The following MSH4 variants were observed in gnomAD, a reference collection of about 807,000 sequenced individuals.
MSH4 encodes mutS homolog 4, also known as mutS protein homolog 4.
MSH4 carries 106 observed loss-of-function variants against 113.7 expected under a neutral mutation model. The observed-to-expected ratio is 0.93, with a 90% CI of 0.80 to 1.10. MSH4 has a LOEUF of 1.10. Among genes scored for constraint, MSH4 ranks in the 50% least tolerant of loss-of-function variants. MSH4 has a pLI of 0.00. For synonymous variants in MSH4, 368 were observed against 380.2 expected (o/e 0.97, Z 0.37); for missense variants, 1,061 against 1,093.7 (o/e 0.97, Z 0.42).
intron 9 of MSH4, among the ~76,000 whole-genome samples, chr1:75,868,139 T>G (rs1306907709): frequency 6.6e-6 from 1 of 152,162 alleles, no homozygotes; most frequent in African/African-American, 2.4e-5. Flanking sequence ...ATGTGATTGC[T>G]TTCTCCTGAT....
chr1:75,907,684 C>CTCTCTCTCTACATATATATATATATA (rs1307238647), intron 19 of MSH4, among the ~76,000 whole-genome samples: 2 of 46,576 alleles, frequency 4.3e-5, no homozygotes, highest in Non-Finnish European at 7.4e-5. Context: ...CTCTCTCTCT[C>CTCTCTCTCTACATATATATATATATA]TATACATATA....
intron 6 of MSH4, among the ~76,000 whole-genome samples, chr1:75,817,843 C>G (rs1650325027): frequency 1.3e-5 from 2 of 151,836 alleles, no homozygotes; most frequent in African/African-American, 2.4e-5. Context: ...CTCCCCCTAG[C>G]CAGTTGATAT....
chr1:75,822,152 G>C (rs1650430069), intron 6 of MSH4, among the ~76,000 whole-genome samples: 2 of 152,042 alleles, frequency 1.3e-5, no homozygotes, highest in African/African-American at 2.4e-5. Flanking sequence ...AGCTGGGCGT[G>C]GTGGCGGGCG....
At chr1:75,905,762 T>C (rs906564214) in intron 19 of MSH4, among the ~76,000 whole-genome samples, 1 of 152,190 alleles carries the variant, frequency 6.6e-6, no homozygotes, top group African/African-American at 2.4e-5. Context: ...ATAATTGTTA[T>C]GTCCTCTTGC....
Position 75,891,568 on chromosome 1 carries a change from C to T in MSH4, c.2355+744C>T, listed in dbSNP as rs141253706. ...TTTCAGGCTCCAGCAATCCTCCTGC[C>T]GCAGCCTCCTGAGTAGCTGGGACTG... On this transcript the variant is annotated intron_variant, in intron 17 of 19. Transcript: ENST00000263187. Among the ~76,000 whole-genome samples the T allele has an allele frequency of 2.5e-3, 383 of 152,144 alleles. 1 individual carries two copies. Among genetic ancestry groups the T allele is most frequent in the African/African-American group, 8.6e-3 (355 of 41,500 alleles).
At chr1:75,897,076 A>G (rs752834868) in intron 17 of MSH4, among the ~76,000 whole-genome samples, 5 of 152,100 alleles carry the variant, frequency 3.3e-5, no homozygotes, top group Non-Finnish European at 7.4e-5. Context: ...CTGAACACCT[A>G]CCTAATTTGT....
Position 75,803,792 on chromosome 1 carries a change from T to C in MSH4, c.306T>C (p.Phe102=). 1 of 1,606,200 alleles carries C rather than the reference T, an allele frequency of 6.2e-7. No homozygotes were observed. The highest frequency in any genetic ancestry group is 8.5e-7 in the Non-Finnish European group (1 of 1,177,464). ...AENTVASNFT[F]GASSSSARDT... is the part of the protein sequence containing the mutation. ...ACACAGTTGCATCAAATTTTACTTT[T>C]GGTGCAAGCTCATCTTCTGCACGAG... The change falls in exon 2 of 20, where the codon TTT becomes TTC. Residue 102 remains phenylalanine (F), a synonymous_variant. Transcript: ENST00000263187.
intron 7 of MSH4, among the ~76,000 whole-genome samples, chr1:75,842,666 G>C (rs1038844197): frequency 2.0e-5 from 3 of 152,210 alleles, no homozygotes; most frequent in Non-Finnish European, 4.4e-5. Context: ...CGAGCCTTCT[G>C]TTATGCCCGG....
intron 8 of MSH4, among the ~76,000 whole-genome samples, chr1:75,856,101 T>G (rs1399964198): frequency 6.6e-6 from 1 of 152,186 alleles, no homozygotes; most frequent in Non-Finnish European, 1.5e-5. Context: ...GAAATATCTG[T>G]GAATAGCTTG....
chr1:75,857,695 G>A (rs575597815), intron 8 of MSH4, among the ~76,000 whole-genome samples: 27 of 152,240 alleles, frequency 1.8e-4, no homozygotes, highest in African/African-American at 5.8e-4. Context: ...CTGTAGCCTT[G>A]TAGTACAGCT....
At chr1:75,836,370 C>T (rs901983749) in intron 7 of MSH4, among the ~76,000 whole-genome samples, 8 of 147,586 alleles carry the variant, frequency 5.4e-5, no homozygotes, top group Admixed American at 2.1e-4. Context: ...GCGATTTCAG[C>T]TCACTGCAAC....
chr1:75,827,339 A>G (rs1319644234), intron 7 of MSH4, among the ~76,000 whole-genome samples: 1 of 152,176 alleles, frequency 6.6e-6, no homozygotes, highest in Non-Finnish European at 1.5e-5. Context: ...TGAAGGAAGC[A>G]TTAAATATGG....
chr1:75,823,225 C>T (rs1020595010), intron 7 of MSH4, among the ~76,000 whole-genome samples: 2 of 152,138 alleles, frequency 1.3e-5, no homozygotes, highest in Non-Finnish European at 2.9e-5. Flanking sequence ...AGACACTAGT[C>T]GTATTGTATT....
intron 19 of MSH4, among the ~76,000 whole-genome samples, chr1:75,909,885 TTCTTCCATCTC>T (rs1446249215): frequency 6.6e-6 from 1 of 152,122 alleles, no homozygotes; most frequent in Non-Finnish European, 1.5e-5. Flanking sequence ...ATTTCTGTTT[TTCTTCCATCTC>T]TCTTCCATCT....
chr1:75,841,157 TTCCCTCCCTCCC>T (rs5745393), intron 7 of MSH4, among the ~76,000 whole-genome samples: 31 of 132,496 alleles, frequency 2.3e-4, no homozygotes, highest in Middle Eastern at 7.3e-3. Flanking sequence ...AGTCATTTCC[TTCCCTCCCTCCC>T]TCCCTCCCTC....
chr1:75,814,215 G>A (rs1205378776), intron 4 of MSH4, among the ~76,000 whole-genome samples: 1 of 151,392 alleles, frequency 6.6e-6, no homozygotes, highest in Non-Finnish European at 1.5e-5. Flanking sequence ...CACTTTGGGA[G>A]GCCAATGTGG....
intron 7 of MSH4, among the ~76,000 whole-genome samples, chr1:75,847,125 T>C (rs1376054764): frequency 6.6e-6 from 1 of 152,086 alleles, no homozygotes; most frequent in African/African-American, 2.4e-5. Flanking sequence ...AAGAACCCAC[T>C]CTCATGATAA....
At chr1:75,826,102 T>C (rs1650544129) in intron 7 of MSH4, among the ~76,000 whole-genome samples, 1 of 152,190 alleles carries the variant, frequency 6.6e-6, no homozygotes, top group Non-Finnish European at 1.5e-5. Flanking sequence ...CCTGAGCTTT[T>C]TTTGGTTGGT....
chr1:75,860,702 CT>C (rs1201972693), intron 8 of MSH4, among the ~76,000 whole-genome samples: 2 of 152,100 alleles, frequency 1.3e-5, no homozygotes, highest in African/African-American at 2.4e-5. Context: ...ACATTTTTTC[CT>C]TCATTTCAAC....
Sources: gnomAD v4.1 joint callset for allele counts (sites outside exome capture counted in the v4.1 genomes callset) on GRCh38, gnomAD v4.1.1 for gene constraint, MANE v1.5 for transcripts, NCBI Gene and HGNC (gene_info 2026-07-23, HGNC 2026-07-21) for gene names.